Variants in CYRIB observed in about 807,000 individuals in gnomAD.
CYRIB encodes CYFIP-related Rac1 interactor B.
In CYRIB, 8 loss-of-function variants were observed where a neutral mutation model predicts 44.2. The observed-to-expected ratio is 0.18, with a 90% CI of 0.11 to 0.33. The LOEUF is 0.33. Ranked by LOEUF, CYRIB falls within the 10% of genes least tolerant of loss-of-function variation. CYRIB has a pLI of 1.00. For synonymous variants in CYRIB, 131 were observed against 127.2 expected (o/e 1.03, Z -0.20); for missense variants, 185 against 382.8 (o/e 0.48, Z 4.31).
At chr8:129,915,768 G>A (rs116365376) in intron 1 of CYRIB, among the ~76,000 whole-genome samples, 2,312 of 152,188 alleles carry the variant, frequency 0.015, 66 homozygotes, top group African/African-American at 0.053. Flanking sequence ...ACTAAATTTT[G>A]TGGGTCAAGC....
intron 5 of CYRIB, among the ~76,000 whole-genome samples, chr8:129,859,926 G>GTT (rs2048447850): frequency 6.6e-6 from 1 of 152,226 alleles, no homozygotes. Context: ...CCAGGGCAGT[G>GTT]TAGTTAAACC....
intron 5 of CYRIB, among the ~76,000 whole-genome samples, chr8:129,858,029 A>T (rs2047120071): frequency 6.6e-6 from 1 of 152,180 alleles, no homozygotes; most frequent in Non-Finnish European, 1.5e-5. Context: ...TCCATGGTAG[A>T]TCTATGTTGA....
chr8:129,947,066 T>TTA (rs1258955914), intron 2 of CYRIB, among the ~76,000 whole-genome samples: 1 of 139,626 alleles, frequency 7.2e-6, no homozygotes, highest in Admixed American at 7.1e-5. Flanking sequence ...ATTTATTTAT[T>TTA]TTTTTTTTTG....
chr8:129,994,166 G>T (rs181543029), intron 1 of CYRIB, among the ~76,000 whole-genome samples: 1 of 152,288 alleles, frequency 6.6e-6, no homozygotes, highest in East Asian at 1.9e-4. Context: ...TGATAACCAC[G>T]TGAAGACACA....
intron 2 of CYRIB, among the ~76,000 whole-genome samples, chr8:129,960,020 T>C (rs1312851351): frequency 6.6e-6 from 1 of 152,232 alleles, no homozygotes; most frequent in African/African-American, 2.4e-5. Flanking sequence ...ATCCTACCTC[T>C]ACAATTTTTG....
chr8:129,977,160 G>C (rs2095969106), intron 1 of CYRIB, among the ~76,000 whole-genome samples: 1 of 152,136 alleles, frequency 6.6e-6, no homozygotes, highest in Admixed American at 6.5e-5. Flanking sequence ...GAGGTTTCAT[G>C]AAGGCCATTT....
At chr8:129,869,381 C>CA (rs572134261) in intron 4 of CYRIB, among the ~76,000 whole-genome samples, 21,239 of 73,428 alleles carry the variant, frequency 0.29, 2,551 homozygotes, top group East Asian at 0.55. Context: ...AACTCTGCCT[C>CA]AAAAAAAAAA....
At chr8:129,893,793 CAAG>C (rs1255232072) in intron 2 of CYRIB, among the ~76,000 whole-genome samples, 1 of 151,050 alleles carries the variant, frequency 6.6e-6, no homozygotes. Flanking sequence ...CCTCTGACTT[CAAG>C]TGCTGAGATT....
intron 2 of CYRIB, among the ~76,000 whole-genome samples, chr8:129,891,647 A>C (rs1427619209): frequency 1.3e-5 from 2 of 152,230 alleles, no homozygotes; most frequent in African/African-American, 2.4e-5. Flanking sequence ...ACTTGACTTA[A>C]AGAAATGTGA....
chr8:129,911,415 T>G (rs1000693116), intron 1 of CYRIB, among the ~76,000 whole-genome samples: 1 of 152,216 alleles, frequency 6.6e-6, no homozygotes, highest in Non-Finnish European at 1.5e-5. Context: ...ATATTTATTA[T>G]AATATTCCTT....
chr8:129,869,652 G>A (rs2056120146), intron 4 of CYRIB, among the ~76,000 whole-genome samples: 1 of 152,114 alleles, frequency 6.6e-6, no homozygotes. Context: ...GAATTTCACA[G>A]AAATGCTTAT....
chr8:129,903,824 G>A (rs555552914), intron 1 of CYRIB, among the ~76,000 whole-genome samples: 21 of 152,180 alleles, frequency 1.4e-4, no homozygotes, highest in South Asian at 2.1e-4. Context: ...TCCTTATTCC[G>A]TGACCATAAC....
chr8:129,875,660 CCTT>C (rs2058849588), intron 3 of CYRIB, among the ~76,000 whole-genome samples: 1 of 152,128 alleles, frequency 6.6e-6, no homozygotes, highest in Non-Finnish European at 1.5e-5. Flanking sequence ...AGGAAAAAAT[CCTT>C]CTATCAAGAC....
intron 1 of CYRIB, among the ~76,000 whole-genome samples, chr8:129,925,760 C>T (rs1027476106): frequency 5.3e-5 from 8 of 152,334 alleles, no homozygotes; most frequent in South Asian, 4.1e-4. Flanking sequence ...CATCAATTTA[C>T]TGTGTCCACC....
At chr8:129,954,407 G>C (rs911481209) in intron 2 of CYRIB, among the ~76,000 whole-genome samples, 10 of 152,036 alleles carry the variant, frequency 6.6e-5, no homozygotes, top group African/African-American at 2.4e-4. Context: ...ATTTTTAGTA[G>C]AGATGGGGTT....
At chr8:129,973,529 C>G (rs1261919392) in intron 1 of CYRIB, among the ~76,000 whole-genome samples, 1 of 152,250 alleles carries the variant, frequency 6.6e-6, no homozygotes, top group East Asian at 1.9e-4. Flanking sequence ...CCTTCCCTGA[C>G]AGCCTTTTCA....
chr8:129,863,275 C>T (rs1381188889), intron 4 of CYRIB, among the ~76,000 whole-genome samples: 1 of 152,102 alleles, frequency 6.6e-6, no homozygotes, highest in African/African-American at 2.4e-5. Flanking sequence ...GCCTGTAATC[C>T]CAGCACTTTG....
At chr8:129,920,781 C>T (rs1001297009) in intron 1 of CYRIB, among the ~76,000 whole-genome samples, 2 of 152,146 alleles carry the variant, frequency 1.3e-5, no homozygotes, top group African/African-American at 4.8e-5. Flanking sequence ...CCCCTATCCC[C>T]TTTCATTTGA....
At chr8:129,907,722 C>T (rs1313286922) in intron 1 of CYRIB, among the ~76,000 whole-genome samples, 2 of 152,144 alleles carry the variant, frequency 1.3e-5, no homozygotes, top group Non-Finnish European at 2.9e-5. Flanking sequence ...CCTATGATGG[C>T]CTGGTGCAGT....
Sources: gnomAD v4.1 joint callset for allele counts (sites outside exome capture counted in the v4.1 genomes callset) on GRCh38, gnomAD v4.1.1 for gene constraint, MANE v1.5 for transcripts, NCBI Gene and HGNC (gene_info 2026-07-23, HGNC 2026-07-21) for gene names.